The following SNX30 variants were observed in gnomAD, a reference collection of about 807,000 sequenced individuals.
The protein encoded by SNX30 is sorting nexin family member 30, also known as sorting nexin-30.
Under a neutral mutation model 46.4 loss-of-function variants are expected in SNX30, and 24 were observed. The observed-to-expected ratio is 0.52, with a 90% CI of 0.37 to 0.73. SNX30 has a LOEUF of 0.73. SNX30 is among the 30% of genes least tolerant of loss of function. The pLI is 0.00. For synonymous variants in SNX30, 189 were observed against 211.5 expected (o/e 0.89, Z 0.92); for missense variants, 533 against 555.7 (o/e 0.96, Z 0.41).
chr9:112,750,251 G>A (rs781234324), upstream of SNX30, among the ~76,000 whole-genome samples: 1 of 152,140 alleles, frequency 6.6e-6, no homozygotes, highest in Non-Finnish European at 1.5e-5. Flanking sequence ...TCCCCACACC[G>A]CCTCTTTGAA....
chr9:112,781,043 C>T (rs956498177), intron 1 of SNX30, among the ~76,000 whole-genome samples: 1 of 152,166 alleles, frequency 6.6e-6, no homozygotes, highest in African/African-American at 2.4e-5. Flanking sequence ...AAAGTCCTTC[C>T]CTTGCTCTTT....
At chr9:112,854,712 AGAG>A in intron 7 of SNX30, among the ~76,000 whole-genome samples, 1 of 152,324 alleles carries the variant, frequency 6.6e-6, no homozygotes, top group Middle Eastern at 3.4e-3. Flanking sequence ...GTTGGTGGGC[AGAG>A]GAGGGTGCAG....
chr9:112,760,834 C>T (rs1839422483), intron 1 of SNX30, among the ~76,000 whole-genome samples: 1 of 152,116 alleles, frequency 6.6e-6, no homozygotes, highest in African/African-American at 2.4e-5. Context: ...ATTGGCAGCC[C>T]CACTAGCTGG....
chr9:112,862,722 C>T (rs1051334996), intron 7 of SNX30, among the ~76,000 whole-genome samples: 3 of 151,786 alleles, frequency 2.0e-5, no homozygotes, highest in East Asian at 2.0e-4. Flanking sequence ...GACAACATAG[C>T]GCCACCACAT....
intron 1 of SNX30, among the ~76,000 whole-genome samples, chr9:112,753,673 G>T (rs989004859): frequency 6.6e-6 from 1 of 152,246 alleles, no homozygotes; most frequent in African/African-American, 2.4e-5. Context: ...ATGAGCCACT[G>T]TGCCTGGCCT....
rs141142524 is a variant in SNX30 at position 112,843,355 on chromosome 9, G to C, written c.1014+4658G>C. Among the ~76,000 whole-genome samples, 41 of 152,182 alleles carry C rather than the reference G, an allele frequency of 2.7e-4. No individual in the cohort carries two copies. The East Asian group carries it at 5.6e-3, about 21-fold the overall frequency. On this transcript the variant is annotated intron_variant, in intron 6 of 8. Coordinates refer to ENST00000374232, the MANE Select transcript of SNX30 (RefSeq NM_001012994.2). ...GGGTCTTGGTGAATGACTGGGGTGG[G>C]GTGAGGGTCTGAAGTAAGAGTAGGT...
At chr9:112,766,474 C>G (rs1038398922) in intron 1 of SNX30, among the ~76,000 whole-genome samples, 8 of 151,996 alleles carry the variant, frequency 5.3e-5, no homozygotes, top group Non-Finnish European at 1.2e-4. Flanking sequence ...GTTAAGTACC[C>G]TGGCTTGTTT....
chr9:112,876,203 AG>A (rs1448265559), downstream of SNX30, among the ~76,000 whole-genome samples: 19 of 152,180 alleles, frequency 1.2e-4, no homozygotes, highest in African/African-American at 4.1e-4. Context: ...TGATAAAGGG[AG>A]GTGAAAATAG....
At chr9:112,863,987 A>G (rs1047051922) in intron 7 of SNX30, among the ~76,000 whole-genome samples, 2 of 152,238 alleles carry the variant, frequency 1.3e-5, no homozygotes, top group Non-Finnish European at 2.9e-5. Flanking sequence ...CTGTGTGTAA[A>G]TGGGGGTGTT....
At chr9:112,752,310 A>C (rs1839290653) in intron 1 of SNX30, among the ~76,000 whole-genome samples, 1 of 152,224 alleles carries the variant, frequency 6.6e-6, no homozygotes, top group African/African-American at 2.4e-5. Flanking sequence ...CATTAGGAAC[A>C]GGAAAATTAA....
At position 112,817,805 on chromosome 9, in the gene SNX30, A is replaced by T. The variant is rs769293205; in HGVS notation, c.449A>T (p.His150Leu). The change falls in exon 3 of 9, where the codon CAT (histidine) becomes CTT (leucine). Residue 150 changes from histidine (H) to leucine (L), a missense_variant. By Grantham distance (99) the His-to-Leu change is moderately conservative. Coordinates refer to ENST00000374232, the MANE Select transcript of SNX30 (RefSeq NM_001012994.2). ...RSKLEESQPT[H>L]LIPPLPEKFV... Reference sequence around the variant, plus strand: ...AAACTGGAAGAATCCCAGCCCACTCATCTCATTCCCGTAGGTAGTAAGTCA... The same window carrying T: ...AAACTGGAAGAATCCCAGCCCACTCTTCTCATTCCCGTAGGTAGTAAGTCA... The T allele has an allele frequency of 2.5e-6, 4 of 1,610,392 alleles. No individual in the cohort carries two copies. In the East Asian group the frequency reaches 6.7e-5, roughly 27 times the overall value.
chr9:112,788,143 G>A (rs896249331), intron 1 of SNX30, among the ~76,000 whole-genome samples: 1 of 152,050 alleles, frequency 6.6e-6, no homozygotes, highest in East Asian at 1.9e-4. Context: ...GTAACCACTT[G>A]GCACCTGCTA....
intron 3 of SNX30, among the ~76,000 whole-genome samples, chr9:112,822,305 T>TAATATGTAA (rs1302275165): frequency 6.6e-6 from 1 of 152,186 alleles, no homozygotes; most frequent in Non-Finnish European, 1.5e-5. Flanking sequence ...GTTCACTGTG[T>TAATATGTAA]TTTTCTTCAT....
At chr9:112,763,583 G>T (rs901420392) in intron 1 of SNX30, among the ~76,000 whole-genome samples, 1 of 151,686 alleles carries the variant, frequency 6.6e-6, no homozygotes, top group African/African-American at 2.4e-5. Context: ...GGGCGCCGTG[G>T]CTCATGCCTG....
chr9:112,818,706 A>G (rs1157775761), intron 3 of SNX30, among the ~76,000 whole-genome samples: 1 of 152,108 alleles, frequency 6.6e-6, no homozygotes, highest in Non-Finnish European at 1.5e-5. Flanking sequence ...ATAACTTCCT[A>G]GGACTACCAA....
At chr9:112,823,396 C>T (rs1362149366) in intron 3 of SNX30, among the ~76,000 whole-genome samples, 2 of 152,202 alleles carry the variant, frequency 1.3e-5, no homozygotes, top group African/African-American at 4.8e-5. Flanking sequence ...CTCCCCATTT[C>T]CCACTCTCCG....
chr9:112,882,967 A>G (rs1841599379), downstream of SNX30, among the ~76,000 whole-genome samples: 1 of 152,242 alleles, frequency 6.6e-6, no homozygotes, highest in South Asian at 2.1e-4. Flanking sequence ...CAGAAGAATG[A>G]GGTGTTTTGA....
chr9:112,824,164 G>T (rs868194268), intron 3 of SNX30, among the ~76,000 whole-genome samples: 1 of 152,130 alleles, frequency 6.6e-6, no homozygotes, highest in Admixed American at 6.5e-5. Flanking sequence ...GCTTTCCATT[G>T]ACAGTCTACA....
intron 8 of SNX30, among the ~76,000 whole-genome samples, chr9:112,865,659 A>ATGTGTGTG (rs1473545725): frequency 3.8e-5 from 3 of 79,680 alleles, no homozygotes; most frequent in African/African-American, 1.6e-4. Context: ...ATATATATAT[A>ATGTGTGTG]TATGTATGTA....
Sources: gnomAD v4.1 joint callset for allele counts (sites outside exome capture counted in the v4.1 genomes callset) on GRCh38, gnomAD v4.1.1 for gene constraint, MANE v1.5 for transcripts, NCBI Gene and HGNC (gene_info 2026-07-23, HGNC 2026-07-21) for gene names.